The following DPP6 variants were observed in gnomAD, a reference collection of about 807,000 sequenced individuals.
The protein encoded by DPP6 is A-type potassium channel modulatory protein DPP6.
DPP6 carries 69 observed loss-of-function variants against 122.6 expected under a neutral mutation model. That is an observed-to-expected ratio of 0.56 (90% CI 0.46 to 0.69). DPP6 has a LOEUF of 0.69. DPP6 is among the 30% of genes least tolerant of loss of function. DPP6 has a pLI of 0.00. For synonymous variants in DPP6, 418 were observed against 433.1 expected (o/e 0.97, Z 0.43); for missense variants, 928 against 1,116.9 (o/e 0.83, Z 2.41).
At chr7:153,823,850 C>T in the DPP6 span, among the ~76,000 whole-genome samples, 10 of 151,964 alleles carry the variant, frequency 6.6e-5, no homozygotes, top group Non-Finnish European at 1.5e-5. Flanking sequence ...GCAGTCAATT[C>T]CCCCACGACA....
intron 1 of DPP6, among the ~76,000 whole-genome samples, chr7:154,284,849 C>T (rs1804749739): frequency 6.6e-6 from 1 of 152,150 alleles, no homozygotes; most frequent in African/African-American, 2.4e-5. Flanking sequence ...AGCGAGACTT[C>T]ATCTCAAAAC....
intron 1 of DPP6, among the ~76,000 whole-genome samples, chr7:154,101,876 C>T (rs982303458): frequency 2.6e-4 from 37 of 141,308 alleles, no homozygotes; most frequent in African/African-American, 8.9e-4. Flanking sequence ...TTCAGTGAGC[C>T]GAGATGGCGC....
chr7:154,504,567 G>A (rs1321366723), intron 3 of DPP6, among the ~76,000 whole-genome samples: 3 of 152,196 alleles, frequency 2.0e-5, no homozygotes, highest in East Asian at 3.9e-4. Context: ...AAGGATCAAC[G>A]TATGGGACCT....
intron 4 of DPP6, among the ~76,000 whole-genome samples, chr7:154,560,629 A>G (rs895983259): frequency 6.6e-6 from 1 of 152,204 alleles, no homozygotes; most frequent in African/African-American, 2.4e-5. Context: ...CATGCCTGTA[A>G]TCCCATCACT....
At chr7:154,103,725 G>A (rs1292522369) in intron 1 of DPP6, among the ~76,000 whole-genome samples, 1 of 152,230 alleles carries the variant, frequency 6.6e-6, no homozygotes, top group Non-Finnish European at 1.5e-5. Context: ...GCAGAAGAAG[G>A]TAAGATAAGC....
At chr7:154,758,373 A>ACT (rs1554457435) in intron 8 of DPP6, among the ~76,000 whole-genome samples, 1 of 143,664 alleles carries the variant, frequency 7.0e-6, no homozygotes, top group Non-Finnish European at 1.5e-5. Context: ...GGAAATACAG[A>ACT]TTTTTTTTTT....
At chr7:154,619,869 G>C (rs7793751) in intron 5 of DPP6, among the ~76,000 whole-genome samples, 2,362 of 152,334 alleles carry the variant, frequency 0.016, 36 homozygotes, top group Middle Eastern at 0.051. Context: ...AGTCCCAGGT[G>C]ATGTCTAAGT....
chr7:154,507,169 G>C (rs1223127789), intron 3 of DPP6, among the ~76,000 whole-genome samples: 3 of 152,172 alleles, frequency 2.0e-5, no homozygotes, highest in Non-Finnish European at 4.4e-5. Context: ...GTGATGGAAG[G>C]CTCTTGATAC....
chr7:153,988,412 GT>G (rs1161988981), intron 1 of DPP6, among the ~76,000 whole-genome samples: 3 of 152,138 alleles, frequency 2.0e-5, no homozygotes, highest in Non-Finnish European at 4.4e-5. Flanking sequence ...GTAAGGTGTG[GT>G]GACGTGTGTG....
At chr7:154,752,531 C>T (rs953249807) in intron 8 of DPP6, among the ~76,000 whole-genome samples, 3 of 152,266 alleles carry the variant, frequency 2.0e-5, no homozygotes, top group African/African-American at 7.2e-5. Flanking sequence ...ACTGGAAGAA[C>T]GTAAGTGTAC....
intron 1 of DPP6, among the ~76,000 whole-genome samples, chr7:154,423,986 T>C (rs1428807453): frequency 6.6e-6 from 1 of 152,192 alleles, no homozygotes; most frequent in Non-Finnish European, 1.5e-5. Flanking sequence ...GTTCCTCCTA[T>C]GGAAAAAATA....
At chr7:154,646,042 A>AAAAAAAAAAAAAAAAAAAAAAAAC (rs1252437695) in intron 6 of DPP6, among the ~76,000 whole-genome samples, 1 of 150,432 alleles carries the variant, frequency 6.6e-6, no homozygotes, top group Non-Finnish European at 1.5e-5. Context: ...AAAAAAAAAA[A>AAAAAAAAAAAAAAAAAAAAAAAAC]AAAGAAAATA....
chr7:154,590,421 T>A (rs1586695428), intron 5 of DPP6, among the ~76,000 whole-genome samples: 1 of 151,272 alleles, frequency 6.6e-6, no homozygotes, highest in East Asian at 1.9e-4. Flanking sequence ...CTCTCAGTAT[T>A]GTAACATTTA....
chr7:154,788,085 T>A (rs1797447398), intron 10 of DPP6, among the ~76,000 whole-genome samples: 1 of 152,186 alleles, frequency 6.6e-6, no homozygotes, highest in South Asian at 2.1e-4. Flanking sequence ...TTTTTACATG[T>A]TGAGTTTTTA....
rs774084078 is a variant in DPP6, at chr7:154,887,704, C to T, written c.2274C>T (p.Gly758=). The T allele has an allele frequency of 6.2e-7, 1 of 1,613,852 alleles. No homozygotes were observed. The highest frequency in any genetic ancestry group is 8.5e-7 in the Non-Finnish European group (1 of 1,179,754). The part of the protein sequence containing the change: ...YASAFSERYL[G]LHGLDNRAYE... ...CTGCGTTTTCCGAGAGGTACTTGGGCCTCCATGGACTTGACAACAGAGCAT... is the reference window on the plus strand; with the variant it reads ...CTGCGTTTTCCGAGAGGTACTTGGGTCTCCATGGACTTGACAACAGAGCAT... The change falls in exon 23 of 26, where the codon GGC becomes GGT. Residue 758 remains glycine (G), a synonymous_variant. Coordinates refer to ENST00000377770, the MANE Select transcript of DPP6 (RefSeq NM_130797.4).
In DPP6 at chr7:154,599,520, T is replaced by C. The variant is rs540933316; in HGVS notation, c.627+32604T>C. On this transcript the variant is annotated intron_variant, in intron 5 of 25. Transcript: ENST00000377770. ...TTATTATTATTATTATTATTATTAT[T>C]ATCATTATACTTTAAGTTCTAGGGT... Among the ~76,000 whole-genome samples, 26 of 145,016 alleles carry C rather than the reference T, an allele frequency of 1.8e-4. No homozygotes were observed. In the South Asian group the frequency reaches 2.8e-3, roughly 15 times the overall value.
rs554998891 is a variant in DPP6, at chr7:154,809,951, C to A, written c.1666+2839C>A. On this transcript the variant is annotated intron_variant, in intron 16 of 25. Transcript: ENST00000377770. The stretch of plus-strand genomic sequence containing the variant: ...CTAGTGCCATCTCAGCTCACTGCAA[C>A]CTCTGCCTCCCGGTTTCAAGCGATT... Among the ~76,000 whole-genome samples, 374 of 152,300 alleles carry A rather than the reference C, an allele frequency of 2.5e-3. 3 individuals carry two copies. The highest frequency in any genetic ancestry group is 2.5e-3 in the Non-Finnish European group (171 of 68,038).
intron 5 of DPP6, chr7:154,588,254 GC>G: frequency 8.2e-7 from 1 of 1,218,446 alleles, no homozygotes; most frequent in Non-Finnish European, 1.1e-6. Context: ...GGTTCAAATG[GC>G]CTGTTCTCAG....
At chr7:154,839,773 G>A (rs1353437435) in intron 16 of DPP6, among the ~76,000 whole-genome samples, 1 of 152,138 alleles carries the variant, frequency 6.6e-6, no homozygotes, top group Non-Finnish European at 1.5e-5. Context: ...ACGCAGGAAC[G>A]AGGAGTCCAG....
Sources: allele counts gnomAD v4.1 joint callset (sites outside exome capture counted in the v4.1 genomes callset), GRCh38; gene constraint gnomAD v4.1.1; transcripts MANE v1.5; gene names NCBI Gene and HGNC (gene_info 2026-07-23, HGNC 2026-07-21).